Variants in GNAI3 observed in about 807,000 individuals in gnomAD.
The protein encoded by GNAI3 is G protein subunit alpha i3, also known as guanine nucleotide-binding protein G(i) subunit alpha-3.
GNAI3 carries 12 observed loss-of-function variants against 41.8 expected under a neutral mutation model. The observed-to-expected ratio is 0.29, with a 90% CI of 0.18 to 0.47. The LOEUF is 0.47. Among genes scored for constraint, GNAI3 ranks in the 20% least tolerant of loss-of-function variants. The probability of loss-of-function intolerance (pLI) is 1.00; values close to 1 mark genes in which losing one functional copy is unlikely to be tolerated. For synonymous variants in GNAI3, 132 were observed against 146.5 expected (o/e 0.90, Z 0.71); for missense variants, 360 against 429.6 (o/e 0.84, Z 1.43).
At chr1:109,558,680 A>G (rs907034016) in intron 1 of GNAI3, among the ~76,000 whole-genome samples, 1 of 152,132 alleles carries the variant, frequency 6.6e-6, no homozygotes, top group South Asian at 2.1e-4. Flanking sequence ...ATCCAAAGCT[A>G]AGAGAAGAAA....
Position 109,595,657 on chromosome 1 carries a change from C to T in GNAI3, c.*3335C>T, listed in dbSNP as rs1333084758. On this transcript the variant is annotated 3_prime_UTR_variant, in exon 9 of 9. Transcript: ENST00000369851. The stretch of plus-strand genomic sequence containing the variant: ...TGTGACATTCTTTGGACATTACTTG[C>T]CTGGCCTGATTAGTTACTTAATATA... 6.6e-6 allele frequency: 1 copy of T among 151,930 alleles called. No individual in the cohort carries two copies. Among genetic ancestry groups the T allele is most frequent in the Non-Finnish European group, 1.5e-5 (1 of 67,986 alleles). 9.4% of individuals were successfully genotyped at this position (151,930 alleles called of 1,614,324 possible).
At chr1:109,562,734 G>A (rs973168081) in intron 1 of GNAI3, among the ~76,000 whole-genome samples, 19 of 152,268 alleles carry the variant, frequency 1.2e-4, no homozygotes, top group African/African-American at 4.3e-4. Flanking sequence ...AAATACACCT[G>A]TAGAAACGTG....
chr1:109,591,397 A>G, intron 7 of GNAI3: 1 of 535,926 alleles, frequency 1.9e-6, no homozygotes, highest in Non-Finnish European at 3.4e-6. Flanking sequence ...ATGAATGTTC[A>G]TATTGGAAAA....
At position 109,569,812 on chromosome 1, in the gene GNAI3, G is replaced by T. The variant is rs954535952; in HGVS notation, c.119-3925G>T. ...GAGGTAGGGCAACAGAGGGTTTTTTGTTTTTTTTTTTAATCAGCGCATCCA... is the reference window on the plus strand; with the variant it reads ...GAGGTAGGGCAACAGAGGGTTTTTTTTTTTTTTTTTTAATCAGCGCATCCA... On this transcript the variant is annotated intron_variant, in intron 1 of 8. Transcript: ENST00000369851. 4.8e-5 allele frequency among the ~76,000 whole-genome samples: 7 copies of T among 145,288 alleles called. 1 individual carries two copies. Among genetic ancestry groups the T allele is most frequent in the African/African-American group, 1.5e-4 (6 of 39,704 alleles).
intron 1 of GNAI3, among the ~76,000 whole-genome samples, chr1:109,564,301 G>T (rs1648393371): frequency 6.6e-6 from 1 of 151,092 alleles, no homozygotes; most frequent in Non-Finnish European, 1.5e-5. Flanking sequence ...TCTTACCTTT[G>T]CTTGTTCCCG....
At chr1:109,562,964 T>G (rs1648356109) in intron 1 of GNAI3, among the ~76,000 whole-genome samples, 1 of 152,224 alleles carries the variant, frequency 6.6e-6, no homozygotes, top group African/African-American at 2.4e-5. Flanking sequence ...CTTGTGTCAG[T>G]TCTGTTCCCT....
At chr1:109,584,262 C>G (rs970592297) in intron 5 of GNAI3, among the ~76,000 whole-genome samples, 2 of 152,140 alleles carry the variant, frequency 1.3e-5, no homozygotes, top group African/African-American at 4.8e-5. Flanking sequence ...AATAGCAGTT[C>G]AGCTATGAAT....
At chr1:109,576,720 C>G (rs964560096) in intron 3 of GNAI3, among the ~76,000 whole-genome samples, 2 of 151,370 alleles carry the variant, frequency 1.3e-5, no homozygotes, top group Non-Finnish European at 2.9e-5. Flanking sequence ...GGGGGTTTCT[C>G]CATGTTGGTC....
intron 7 of GNAI3, among the ~76,000 whole-genome samples, chr1:109,590,509 C>T (rs1017880875): frequency 3.9e-5 from 6 of 152,078 alleles, no homozygotes; most frequent in Admixed American, 2.0e-4. Flanking sequence ...ATTTTAAGAA[C>T]CTGCTTCAAG....
Position 109,579,242 on chromosome 1 carries a change from T to G in GNAI3, c.342T>G (p.Ala114=), listed in dbSNP as rs750739022. The G allele has an allele frequency of 6.2e-7, 1 of 1,613,472 alleles. No individual in the cohort carries two copies. The highest frequency in any genetic ancestry group is 2.2e-5 in the East Asian group (1 of 44,876). The stretch of plus-strand genomic sequence containing the variant: ...AATTATTTGTTTTAGCTGGCAGTGC[T>G]GAAGAAGGAGTCATGACTCCAGAAC... ...ARQLFVLAGS[A]EEGVMTPELA... The change falls in exon 4 of 9, where the codon GCT becomes GCG. Residue 114 remains alanine, a synonymous_variant. Coordinates refer to ENST00000369851, the MANE Select transcript of GNAI3 (RefSeq NM_006496.4).
At chr1:109,591,549 T>C in intron 7 of GNAI3, 2 of 717,188 alleles carry the variant, frequency 2.8e-6, no homozygotes, top group East Asian at 5.3e-5. Flanking sequence ...TATGGAACGC[T>C]TCACGAATTT....
At chr1:109,556,555 T>C (rs986708007) in intron 1 of GNAI3, among the ~76,000 whole-genome samples, 8 of 152,238 alleles carry the variant, frequency 5.3e-5, no homozygotes, top group Non-Finnish European at 1.2e-4. Flanking sequence ...ATGGCTTCTC[T>C]TTCTGCTTTT....
At chr1:109,588,176 C>T (rs1649081340) in intron 7 of GNAI3, among the ~76,000 whole-genome samples, 1 of 151,596 alleles carries the variant, frequency 6.6e-6, no homozygotes, top group South Asian at 2.1e-4. Context: ...GTTAGGAGAT[C>T]GAGACCATCC....
intron 5 of GNAI3, among the ~76,000 whole-genome samples, chr1:109,585,876 T>A (rs7546585): frequency 0.86 from 131,482 of 152,178 alleles, 57,117 homozygotes; most frequent in East Asian, 1. Context: ...CTCAAACTGT[T>A]TTATTTAGCT....
chr1:109,574,139 C>A, intron 3 of GNAI3, 102 bp downstream of exon 3: 1 of 774,760 alleles, frequency 1.3e-6, no homozygotes, highest in Non-Finnish European at 2.1e-6. Context: ...ATTTAAGCAA[C>A]AAGATAAAAT....
intron 1 of GNAI3, among the ~76,000 whole-genome samples, chr1:109,551,390 T>A (rs1647979665): frequency 6.6e-6 from 1 of 152,202 alleles, no homozygotes; most frequent in East Asian, 1.9e-4. Flanking sequence ...ATGCAAGTCA[T>A]TTTTACTTTA....
In GNAI3 at chr1:109,577,269, G is replaced by GT. The variant is rs1395067814; in HGVS notation, c.304-1927dup. 2.5e-3 allele frequency among the ~76,000 whole-genome samples: 344 copies of GT among 138,972 alleles called. 1 individual carries two copies. The highest frequency in any genetic ancestry group is 3.8e-3 in the Admixed American group (54 of 14,162). The allele number at this position is 138,972 out of a possible 152,430, so 91.2% of individuals were successfully genotyped here. On this transcript the variant is annotated intron_variant, in intron 3 of 8. Transcript: ENST00000369851. ...GGGGCATATAGATCTTAGCTAAGGT[G>GT]TTTTTTTTGTTTTTTTTTTTTTTTT...
chr1:109,572,173 T>C (rs1243904211), intron 1 of GNAI3, among the ~76,000 whole-genome samples: 1 of 148,142 alleles, frequency 6.8e-6, no homozygotes, highest in Admixed American at 6.7e-5. Flanking sequence ...AGCTGGGTGT[T>C]GTGGCAGGCG....
intron 1 of GNAI3, among the ~76,000 whole-genome samples, chr1:109,567,305 A>G (rs1427676044): frequency 6.6e-6 from 1 of 152,200 alleles, no homozygotes; most frequent in Non-Finnish European, 1.5e-5. Context: ...ATTTCTATAT[A>G]GAAACCAGTA....
Sources: gnomAD v4.1 joint callset for allele counts (sites outside exome capture counted in the v4.1 genomes callset) on GRCh38, gnomAD v4.1.1 for gene constraint, MANE v1.5 for transcripts, NCBI Gene and HGNC (gene_info 2026-07-23, HGNC 2026-07-21) for gene names.